CADPS: variants seen among roughly 807,000 people sequenced by gnomAD.
CADPS encodes the protein calcium-dependent secretion activator 1.
A neutral mutation model predicts 167.3 loss-of-function variants in CADPS; 57 were observed. The ratio of observed to expected loss-of-function variants is 0.34; its 90% CI spans 0.28 to 0.42. CADPS has a LOEUF of 0.42. CADPS is among the 20% of genes least tolerant of loss of function. The pLI is 1.00. For synonymous variants in CADPS, 676 were observed against 635.3 expected, an observed-to-expected ratio of 1.06 and a Z score of -0.96; for missense variants, 1,414 against 1,738.1, an observed-to-expected ratio of 0.81 and a Z score of 3.32.
chr3:62,641,207 G>A (rs1205925668), intron 6 of CADPS, among the ~76,000 whole-genome samples: 4 of 152,196 alleles, frequency 2.6e-5, no homozygotes, highest in Non-Finnish European at 5.9e-5. Context: ...ACAAGGCTAT[G>A]AAATCTTAAC....
intron 6 of CADPS, among the ~76,000 whole-genome samples, chr3:62,629,768 G>GTTTT (rs56393514): frequency 8.1e-5 from 12 of 148,254 alleles, no homozygotes; most frequent in Non-Finnish European, 1.3e-4. Context: ...TTTTTTTTTT[G>GTTTT]TTTGTTTGTT....
Position 62,818,910 on chromosome 3 carries a change from G to GA in CADPS, c.442-52927dup, listed in dbSNP as rs558001743. Among the ~76,000 whole-genome samples, 44 of 151,864 alleles carry GA rather than the reference G, an allele frequency of 2.9e-4. No homozygotes were observed. The East Asian group carries it at 4.1e-3, about 14-fold the overall frequency. The stretch of plus-strand genomic sequence containing the variant: ...ACTTCAGTAGTATTATTCTGAGTGG[G>GA]AAAAAAACCCAAACACAAAAGATCA... On this transcript the variant is annotated intron_variant, in intron 1 of 29. Coordinates refer to ENST00000383710, the MANE Select transcript of CADPS (RefSeq NM_003716.4).
At chr3:62,802,668 A>T (rs1166872335) in intron 1 of CADPS, among the ~76,000 whole-genome samples, 1 of 152,188 alleles carries the variant, frequency 6.6e-6, no homozygotes, top group African/African-American at 2.4e-5. Flanking sequence ...AATCCCAGGT[A>T]TTGAATGAAT....
chr3:62,625,884 A>G (rs924917526), intron 6 of CADPS: 1 of 151,074 alleles, frequency 6.6e-6, no homozygotes, highest in Non-Finnish European at 1.5e-5. Context: ...ATTCACTACT[A>G]AATGTACATG....
intron 1 of CADPS, among the ~76,000 whole-genome samples, chr3:62,863,066 T>G (rs2081095421): frequency 6.6e-6 from 1 of 152,252 alleles, no homozygotes; most frequent in Admixed American, 6.5e-5. Context: ...CATGAACTCA[T>G]GTATCACCTA....
At chr3:62,674,701 T>TC (rs1356664623) in intron 3 of CADPS, among the ~76,000 whole-genome samples, 2 of 152,218 alleles carry the variant, frequency 1.3e-5, no homozygotes, top group Non-Finnish European at 2.9e-5. Flanking sequence ...TTGGCATTTA[T>TC]CAAGTATGTC....
intron 28 of CADPS, among the ~76,000 whole-genome samples, chr3:62,409,568 A>C (rs963027041): frequency 2.0e-5 from 3 of 152,238 alleles, no homozygotes; most frequent in Non-Finnish European, 4.4e-5. Flanking sequence ...AAAAAGGTGA[A>C]TGAGTCCGAA....
intron 1 of CADPS, among the ~76,000 whole-genome samples, chr3:62,787,781 A>G (rs532822230): frequency 2.3e-4 from 35 of 152,340 alleles, no homozygotes; most frequent in Middle Eastern, 3.4e-3. Flanking sequence ...AGACAAGTAT[A>G]CTAATAGTAA....
chr3:62,469,750 C>T (rs548052691), intron 24 of CADPS: 14 of 158,680 alleles, frequency 8.8e-5, no homozygotes, highest in African/African-American at 2.2e-4. Context: ...CCTCGTGATC[C>T]GCCCACCTTG....
At chr3:62,599,762 G>T (rs1437824235) in intron 6 of CADPS, among the ~76,000 whole-genome samples, 2 of 3,002 alleles carry the variant, frequency 6.7e-4, no homozygotes, top group South Asian at 0.056. Flanking sequence ...TATATATATT[G>T]TATATATAAT....
At chr3:62,498,038 G>A in intron 18 of CADPS, 1 of 450,458 alleles carries the variant, frequency 2.2e-6, no homozygotes, top group South Asian at 1.6e-5. Context: ...TTGGGTCAGT[G>A]TTAGAAAGCA....
intron 16 of CADPS, 48 bp from the exon 17 acceptor site, chr3:62,512,816 A>G: frequency 6.5e-7 from 1 of 1,542,544 alleles, no homozygotes; most frequent in Non-Finnish European, 8.9e-7. Context: ...GAGAAACAAG[A>G]ACACATATGC....
intron 1 of CADPS, among the ~76,000 whole-genome samples, chr3:62,788,386 T>C (rs1290310785): frequency 1.3e-5 from 2 of 151,942 alleles, no homozygotes; most frequent in African/African-American, 4.8e-5. Flanking sequence ...TAAGAAGAGG[T>C]TGAGAAAAGC....
intron 28 of CADPS, among the ~76,000 whole-genome samples, chr3:62,422,458 C>T (rs2051632451): frequency 1.3e-5 from 2 of 152,160 alleles, no homozygotes; most frequent in Non-Finnish European, 1.5e-5. Flanking sequence ...AAACAACTCC[C>T]TTTTTTTCTT....
rs535091143 is a variant in CADPS, at chr3:62,753,198, G to A, written c.888+243C>T. ...GGCCAACTTACCCATTAGACACAAT[G>A]AGCTCAATGCCTAGGGCCCCTGAGA... On this transcript the variant is annotated intron_variant, in intron 3 of 29. Coordinates refer to ENST00000383710, the MANE Select transcript of CADPS (RefSeq NM_003716.4). This position sits in a 1 kb window ranked among gnomAD's most constrained non-coding sequence, Gnocchi z 4.6. 6.6e-6 allele frequency among the ~76,000 whole-genome samples: 1 copy of A among 152,132 alleles called. No individual in the cohort carries two copies. Among genetic ancestry groups the A allele is most frequent in the South Asian group, 2.1e-4 (1 of 4,828 alleles).
intron 3 of CADPS, among the ~76,000 whole-genome samples, chr3:62,705,073 C>T (rs889269746): frequency 6.6e-6 from 1 of 152,090 alleles, no homozygotes; most frequent in Admixed American, 6.5e-5. Context: ...TTAAAAGTAA[C>T]ATTCCTTCAA....
rs1258658751 is a variant in CADPS, at chr3:62,399,292, A to T, written c.*114T>A. On this transcript the variant is annotated 3_prime_UTR_variant, in exon 30 of 30. Transcript: ENST00000383710. This position sits in a 1 kb window ranked among gnomAD's most constrained non-coding sequence, Gnocchi z 5.6. ...TAGCTAAAATGGCAGTTGTATTGAT[A>T]AACATCTCATGGGCATGGTAGTTGA... 5 of 951,410 alleles carry T rather than the reference A, an allele frequency of 5.3e-6. No homozygotes were observed. The highest frequency in any genetic ancestry group is 8.0e-6 in the Non-Finnish European group (5 of 626,118). 58.9% of individuals were successfully genotyped at this position (951,410 alleles called of 1,614,324 possible).
intron 5 of CADPS, among the ~76,000 whole-genome samples, chr3:62,648,664 C>A (rs561019214): frequency 1.3e-3 from 123 of 91,962 alleles, no homozygotes; most frequent in African/African-American, 4.9e-3. Flanking sequence ...TGCACTCTAG[C>A]CTGGGCAACA....
intron 17 of CADPS, among the ~76,000 whole-genome samples, chr3:62,507,590 T>C (rs2066927149): frequency 6.6e-6 from 1 of 152,168 alleles, no homozygotes; most frequent in South Asian, 2.1e-4. Context: ...CCTCTTATAT[T>C]CCCTTGGCTC....
Sources: gnomAD v4.1 joint callset for allele counts (sites outside exome capture counted in the v4.1 genomes callset) on GRCh38, gnomAD v4.1.1 for gene constraint, Gnocchi (gnomAD v3.1) non-coding constraint, MANE v1.5 for transcripts, NCBI Gene and HGNC (gene_info 2026-07-23, HGNC 2026-07-21) for gene names.